Variants in CDH20 observed in about 807,000 individuals in gnomAD.
The protein encoded by CDH20 is cadherin 20, also known as cadherin-20.
CDH20 carries 29 observed loss-of-function variants against 74.2 expected under a neutral mutation model. The observed-to-expected ratio is 0.39, with a 90% CI of 0.29 to 0.53. CDH20 has a LOEUF of 0.53. Among genes scored for constraint, CDH20 ranks in the 20% least tolerant of loss-of-function variants. The pLI is 0.69. For synonymous variants in CDH20, 469 were observed against 405.4 expected, an observed-to-expected ratio of 1.16 and a Z score of -1.88; for missense variants, 988 against 1,048.3, an observed-to-expected ratio of 0.94 and a Z score of 0.79.
intron 7 of CDH20, among the ~76,000 whole-genome samples, chr18:61,533,610 C>T (rs1384048003): frequency 1.3e-5 from 2 of 152,160 alleles, no homozygotes; most frequent in African/African-American, 2.4e-5. Context: ...CTTTGTTGTG[C>T]AGAAGTTTTT....
At chr18:61,507,721 C>T (rs1390206084) in intron 6 of CDH20, among the ~76,000 whole-genome samples, 161 bp downstream of exon 6, 1 of 151,454 alleles carries the variant, frequency 6.6e-6, no homozygotes, top group Non-Finnish European at 1.5e-5. Context: ...ACCTCTTAAC[C>T]CTTATGTTTA....
At chr18:61,496,247 C>A (rs371882417) in intron 2 of CDH20, among the ~76,000 whole-genome samples, 242 of 109,728 alleles carry the variant, frequency 2.2e-3, no homozygotes, top group South Asian at 5.8e-3. Context: ...CCCTTTCTCC[C>A]CGCCTTCTCC....
intron 1 of CDH20, among the ~76,000 whole-genome samples, chr18:61,365,348 C>T (rs1203521827): frequency 6.6e-6 from 1 of 152,196 alleles, no homozygotes; most frequent in Non-Finnish European, 1.5e-5. Flanking sequence ...TGAAAACTGT[C>T]TGCCTCTATA....
intron 1 of CDH20, among the ~76,000 whole-genome samples, chr18:61,408,574 A>G (rs1179741726): frequency 1.9e-4 from 29 of 152,228 alleles, no homozygotes; most frequent in Admixed American, 1.9e-3. Context: ...AGACACTTCA[A>G]ATCCCAGTTT....
chr18:61,517,696 TTG>T (rs1491077451), intron 6 of CDH20, among the ~76,000 whole-genome samples: 1 of 135,932 alleles, frequency 7.4e-6, no homozygotes, highest in African/African-American at 3.2e-5. Flanking sequence ...GCAGTTTTTT[TTG>T]TTGTTGTTGT....
chr18:61,507,265 G>A, intron 5 of CDH20, 108 bp from the exon 6 acceptor site: 1 of 1,090,408 alleles, frequency 9.2e-7, no homozygotes, highest in Non-Finnish European at 1.3e-6. Flanking sequence ...TTTACTTTTT[G>A]AACCCAGAAA....
chr18:61,435,206 T>C (rs905128652), intron 1 of CDH20, among the ~76,000 whole-genome samples: 1 of 152,108 alleles, frequency 6.6e-6, no homozygotes, highest in East Asian at 1.9e-4. Flanking sequence ...GGCTCCATCA[T>C]TTACTATCTC....
At chr18:61,542,137 C>CTCAAGAAATATGTTACCTCTCTATGTG (rs1216993867) in intron 9 of CDH20, among the ~76,000 whole-genome samples, 5 of 152,178 alleles carry the variant, frequency 3.3e-5, no homozygotes, top group Admixed American at 2.6e-4. Context: ...TGTAACATGC[C>CTCAAGAAATATGTTACCTCTCTATGTG]TCAAGAAATA....
At chr18:61,443,273 G>A (rs931799268) in intron 1 of CDH20, among the ~76,000 whole-genome samples, 2 of 152,066 alleles carry the variant, frequency 1.3e-5, no homozygotes, top group African/African-American at 4.8e-5. Flanking sequence ...ATGTCCCTTG[G>A]GTTCTTTAAA....
chr18:61,533,170 G>A (rs1300951624), intron 7 of CDH20, among the ~76,000 whole-genome samples: 2 of 152,200 alleles, frequency 1.3e-5, no homozygotes, highest in African/African-American at 2.4e-5. Flanking sequence ...TATCCAGGTG[G>A]GGTGGTACCT....
At chr18:61,538,265 G>A (rs953378581) in intron 8 of CDH20, among the ~76,000 whole-genome samples, 1 of 152,182 alleles carries the variant, frequency 6.6e-6, no homozygotes, top group Admixed American at 6.5e-5. Context: ...GTATGCATCC[G>A]ATTGGCAATG....
chr18:61,535,376 TAC>T (rs1784601861), intron 7 of CDH20, among the ~76,000 whole-genome samples: 2 of 152,058 alleles, frequency 1.3e-5, no homozygotes, highest in African/African-American at 2.4e-5. Context: ...TACCAAGGAC[TAC>T]ATAAGGTTCT....
chr18:61,356,245 C>A (rs926467520), intron 1 of CDH20, among the ~76,000 whole-genome samples: 3 of 152,154 alleles, frequency 2.0e-5, no homozygotes, highest in African/African-American at 7.2e-5. Context: ...TTTCATGGAT[C>A]TTTGCAATGT....
chr18:61,514,297 C>G (rs1377396231), intron 6 of CDH20, among the ~76,000 whole-genome samples: 1 of 152,140 alleles, frequency 6.6e-6, no homozygotes, highest in East Asian at 1.9e-4. Context: ...CGCATCAGCT[C>G]CTGAGGCTTC....
At chr18:61,464,567 A>G (rs1893636) in intron 1 of CDH20, among the ~76,000 whole-genome samples, 81,579 of 152,034 alleles carry the variant, frequency 0.54, 22,918 homozygotes, top group African/African-American at 0.71. Context: ...GATTCACTGC[A>G]CTGGTCAACT....
intron 4 of CDH20, among the ~76,000 whole-genome samples, chr18:61,501,796 A>G (rs1911392340): frequency 6.6e-6 from 1 of 152,152 alleles, no homozygotes; most frequent in African/African-American, 2.4e-5. Context: ...GAAGAGAGGA[A>G]GGGTGCCCAC....
At chr18:61,427,288 A>G (rs1160106874) in intron 1 of CDH20, among the ~76,000 whole-genome samples, 1 of 152,124 alleles carries the variant, frequency 6.6e-6, no homozygotes, top group African/African-American at 2.4e-5. Context: ...AACCCATTTT[A>G]TCCTCATGAC....
rs373106577 is a variant in CDH20, at chr18:61,539,093, A to G, written c.1478A>G (p.Glu493Gly). 1.2e-6 allele frequency: 2 copies of G among 1,613,998 alleles called. No homozygotes were observed. Among genetic ancestry groups the G allele is most frequent in the African/African-American group, 2.7e-5 (2 of 74,924 alleles). The stretch of plus-strand genomic sequence containing the variant: ...TTAGATGTGAATGACAATGCTCCAG[A>G]GTTCCCCAGATTCTATGAAGCTTTT... ...KVLDVNDNAP[E>G]FPRFYEAFVC... is the part of the protein sequence containing the mutation. Residue 493 changes from glutamate to glycine, a missense_variant, in exon 9 of 12, where the codon GAG becomes GGG. Transcript: ENST00000262717.
chr18:61,366,867 T>A (rs544876224), intron 1 of CDH20, among the ~76,000 whole-genome samples: 11 of 152,312 alleles, frequency 7.2e-5, no homozygotes, highest in Non-Finnish European at 1.5e-4. Context: ...TAATTTTTCC[T>A]TTATACAATG....
Sources: allele counts gnomAD v4.1 joint callset (sites outside exome capture counted in the v4.1 genomes callset), GRCh38; gene constraint gnomAD v4.1.1; transcripts MANE v1.5; gene names NCBI Gene and HGNC (gene_info 2026-07-23, HGNC 2026-07-21).